Variants in MAP2K5 observed in about 807,000 individuals in gnomAD.
MAP2K5 encodes dual specificity mitogen-activated protein kinase kinase 5.
MAP2K5 carries 49 observed loss-of-function variants against 83.1 expected under a neutral mutation model. The observed-to-expected ratio is 0.59, with a 90% CI of 0.47 to 0.75. The LOEUF (loss-of-function observed/expected upper bound fraction) is 0.75, where lower values mean the gene tolerates loss of function less well. MAP2K5 is among the 30% of genes least tolerant of loss of function. The pLI is 0.00. For synonymous variants in MAP2K5, 202 were observed against 191.8 expected, an observed-to-expected ratio of 1.05 and a Z score of -0.44; for missense variants, 457 against 557.5, an observed-to-expected ratio of 0.82 and a Z score of 1.82.
Position 67,675,828 on chromosome 15 carries a change from A to G in MAP2K5, c.847+11183A>G, listed in dbSNP as rs531132530. ...TCTGTGGTAGGATTTGATCATAGGCAGAGTCATCCCTTTTAGGAAATCAGT... is the reference window on the plus strand; with the variant it reads ...TCTGTGGTAGGATTTGATCATAGGCGGAGTCATCCCTTTTAGGAAATCAGT... On this transcript the variant is annotated intron_variant, in intron 13 of 21. Transcript: ENST00000178640. 5.3e-5 allele frequency among the ~76,000 whole-genome samples: 8 copies of G among 152,296 alleles called. No individual in the cohort carries two copies. In the East Asian group the frequency reaches 1.4e-3, roughly 26 times the overall value.
intron 3 of MAP2K5, among the ~76,000 whole-genome samples, chr15:67,579,078 A>G (rs1408759436): frequency 6.6e-6 from 1 of 152,244 alleles, no homozygotes; most frequent in Non-Finnish European, 1.5e-5. Flanking sequence ...GTTGTCTTGT[A>G]TCAGTACAAA....
In MAP2K5 at chr15:67,719,787, A is replaced by G. The variant is rs1315177759; in HGVS notation, c.1045-8129A>G. 2.0e-5 allele frequency among the ~76,000 whole-genome samples: 3 copies of G among 152,358 alleles called. No individual in the cohort carries two copies. The East Asian group carries it at 5.8e-4, about 29-fold the overall frequency. On this transcript the variant is annotated intron_variant, in intron 16 of 21. Transcript: ENST00000178640. This position sits in a 1 kb window ranked among gnomAD's most constrained non-coding sequence, Gnocchi z 4.6. ...TGCCCTCAGTGTTGCATTTTGAGCTATGCAAACATTTGAAGAACATTCATT... is the reference window on the plus strand; with the variant it reads ...TGCCCTCAGTGTTGCATTTTGAGCTGTGCAAACATTTGAAGAACATTCATT...
chr15:67,624,916 C>T (rs944518350), intron 8 of MAP2K5, among the ~76,000 whole-genome samples: 3 of 152,170 alleles, frequency 2.0e-5, no homozygotes, highest in Non-Finnish European at 2.9e-5. Context: ...CAGGCACGAG[C>T]CACTGTGCCC....
chr15:67,752,476 G>A (rs539437711), intron 19 of MAP2K5, among the ~76,000 whole-genome samples: 49 of 151,732 alleles, frequency 3.2e-4, no homozygotes, highest in Admixed American at 1.5e-3. Context: ...TCAGGGGTTC[G>A]AGGCCAGCCT....
rs941952297 is a variant in MAP2K5 at position 67,708,087 on chromosome 15, A to G, written c.1044+4679A>G. ...TACCAGCACTTTGAGAGGCTGAGGCAGGAGGATTGCTTGAGGCCAGGAGTT... is the reference window on the plus strand; with the variant it reads ...TACCAGCACTTTGAGAGGCTGAGGCGGGAGGATTGCTTGAGGCCAGGAGTT... On this transcript the variant is annotated intron_variant, in intron 16 of 21. Coordinates refer to ENST00000178640, the MANE Select transcript of MAP2K5 (RefSeq NM_145160.3). This position sits in a 1 kb window ranked among gnomAD's most constrained non-coding sequence, Gnocchi z 4.9. 2.6e-5 allele frequency among the ~76,000 whole-genome samples: 4 copies of G among 152,198 alleles called. No individual in the cohort carries two copies. Among genetic ancestry groups the G allele is most frequent in the Non-Finnish European group, 5.9e-5 (4 of 68,042 alleles).
At chr15:67,647,451 A>G (rs2086853447) in intron 11 of MAP2K5, among the ~76,000 whole-genome samples, 1 of 152,214 alleles carries the variant, frequency 6.6e-6, no homozygotes, top group African/African-American at 2.4e-5. Context: ...GTTCTACTCA[A>G]ACATTTTTGT....
At chr15:67,550,004 AT>A (rs1462285110) in intron 1 of MAP2K5, 29 bp from the exon 2 acceptor site, 2 of 1,584,566 alleles carry the variant, frequency 1.3e-6, no homozygotes, top group Non-Finnish European at 1.7e-6. Context: ...AAGATGGCTA[AT>A]TGTGTTTCTT....
At chr15:67,697,291 A>G (rs2088289693) in intron 15 of MAP2K5, among the ~76,000 whole-genome samples, 1 of 152,196 alleles carries the variant, frequency 6.6e-6, no homozygotes, top group Admixed American at 6.5e-5. Context: ...TTTATGTGCC[A>G]ATCACTCTTC....
chr15:67,696,073 G>A (rs937643821), intron 15 of MAP2K5, among the ~76,000 whole-genome samples: 3 of 151,676 alleles, frequency 2.0e-5, no homozygotes, highest in Non-Finnish European at 4.4e-5. Context: ...TATAGTACAG[G>A]TATGAATCCC....
At chr15:67,806,539 G>A in intron 21 of MAP2K5, 107 bp from the exon 22 acceptor site, 1 of 965,238 alleles carries the variant, frequency 1.0e-6, no homozygotes, top group Non-Finnish European at 1.5e-6. Context: ...ACCTCACAGG[G>A]TTACTGGGGA....
At chr15:67,657,721 CAT>C (rs147008354) in intron 11 of MAP2K5, among the ~76,000 whole-genome samples, 66 of 146,614 alleles carry the variant, frequency 4.5e-4, no homozygotes, top group Non-Finnish European at 5.1e-4. Context: ...AGCCAGTAGC[CAT>C]ATATATATAT....
At position 67,572,247 on chromosome 15, in the gene MAP2K5, G is replaced by A. The variant is rs772831908; in HGVS notation, c.253-8507G>A. Reference sequence around the variant, plus strand: ...TGATTCAGTCTGTATGGACAGTGACGGGGGAGAGGGTGGGAGATGGGGCTT... The same window carrying A: ...TGATTCAGTCTGTATGGACAGTGACAGGGGAGAGGGTGGGAGATGGGGCTT... On this transcript the variant is annotated intron_variant, in intron 3 of 21. Coordinates refer to ENST00000178640, the MANE Select transcript of MAP2K5 (RefSeq NM_145160.3). The surrounding 1 kb of genome is among the most constrained non-coding windows in gnomAD (Gnocchi z 4.2). Among the ~76,000 whole-genome samples the A allele has an allele frequency of 2.0e-5, 3 of 152,172 alleles. No homozygotes were observed. The highest frequency in any genetic ancestry group is 1.9e-4 in the East Asian group (1 of 5,198).
intron 21 of MAP2K5, among the ~76,000 whole-genome samples, chr15:67,800,501 T>C (rs2090684974): frequency 6.6e-6 from 1 of 152,224 alleles, no homozygotes; most frequent in South Asian, 2.1e-4. Flanking sequence ...CTCACCTAAG[T>C]TGCCTTCCCA....
In MAP2K5 at chr15:67,708,517, C is replaced by T. The variant is rs1428152888; in HGVS notation, c.1044+5109C>T. 6.6e-6 allele frequency among the ~76,000 whole-genome samples: 1 copy of T among 151,824 alleles called. No individual in the cohort carries two copies. The highest frequency in any genetic ancestry group is 2.4e-5 in the African/African-American group (1 of 41,344). On this transcript the variant is annotated intron_variant, in intron 16 of 21. Transcript: ENST00000178640. The surrounding 1 kb of genome is among the most constrained non-coding windows in gnomAD (Gnocchi z 4.9). ...GCCTCCCACTTTTTTTTTCTAGAGA[C>T]GTGGTCTTGATATGTTGCCCAGTGT... is the stretch of plus-strand genomic sequence containing the variant.
rs987061164 is a variant in MAP2K5, at chr15:67,665,673, TAGTC to T, written c.847+1031_847+1034del. Among the ~76,000 whole-genome samples the T allele has an allele frequency of 1.6e-4, 25 of 152,312 alleles. No homozygotes were observed. Among genetic ancestry groups the T allele is most frequent in the African/African-American group, 2.6e-4 (11 of 41,566 alleles). ...GGTATCTAGATTTTGACAAATCAAA[TAGTC>T]AGGTTTTTGAAGGTATTTAACTGAC... On this transcript the variant is annotated intron_variant, in intron 13 of 21. Transcript: ENST00000178640. This position sits in a 1 kb window ranked among gnomAD's most constrained non-coding sequence, Gnocchi z 4.2.
At chr15:67,803,499 T>A (rs2090742509) in intron 21 of MAP2K5, among the ~76,000 whole-genome samples, 1 of 152,252 alleles carries the variant, frequency 6.6e-6, no homozygotes, top group Non-Finnish European at 1.5e-5. Context: ...GAGCCACACC[T>A]GCCAGGGTCC....
At chr15:67,585,054 A>G (rs2085260230) in intron 4 of MAP2K5, among the ~76,000 whole-genome samples, 1 of 144,322 alleles carries the variant, frequency 6.9e-6, no homozygotes, top group Non-Finnish European at 1.5e-5. Context: ...CAGGAAAACG[A>G]CATGTACATC....
At chr15:67,585,991 T>TA (rs2085280869) in intron 5 of MAP2K5, 61 bp downstream of exon 5, 2 of 1,434,408 alleles carry the variant, frequency 1.4e-6, no homozygotes, top group African/African-American at 2.8e-5. Context: ...GTGTTCCACT[T>TA]ATTGAAATGT....
At chr15:67,713,401 T>G (rs2088744995) in intron 16 of MAP2K5, among the ~76,000 whole-genome samples, 1 of 152,176 alleles carries the variant, frequency 6.6e-6, no homozygotes, top group Non-Finnish European at 1.5e-5. Context: ...AGTAAACACA[T>G]AAACCATGTA....
Sources: allele counts gnomAD v4.1 joint callset (sites outside exome capture counted in the v4.1 genomes callset), GRCh38; gene constraint gnomAD v4.1.1; non-coding constraint Gnocchi (gnomAD v3.1); transcripts MANE v1.5; gene names NCBI Gene and HGNC (gene_info 2026-07-23, HGNC 2026-07-21).